NHSL1: variants seen among roughly 807,000 people sequenced by gnomAD.
The protein encoded by NHSL1 is NHS like 1.
Under a neutral mutation model 95.0 loss-of-function variants are expected in NHSL1, and 48 were observed. The ratio of observed to expected loss-of-function variants is 0.51; its 90% CI spans 0.40 to 0.64. The LOEUF (loss-of-function observed/expected upper bound fraction) is 0.64. Among genes scored for constraint, NHSL1 ranks in the 30% least tolerant of loss-of-function variants. NHSL1 has a pLI of 0.00. For synonymous variants in NHSL1, 783 were observed against 833.9 expected, an observed-to-expected ratio of 0.94 and a Z score of 1.05; for missense variants, 1,971 against 2,077.7, an observed-to-expected ratio of 0.95 and a Z score of 1.00.
At chr6:138,532,374 A>T (rs751231404) in intron 1 of NHSL1, among the ~76,000 whole-genome samples, 10 of 152,204 alleles carry the variant, frequency 6.6e-5, no homozygotes, top group Non-Finnish European at 1.5e-4. Flanking sequence ...AAACAGTTGC[A>T]ATCTGTTTTT....
rs565901803 is a variant in NHSL1 at position 138,569,191 on chromosome 6, G to A, written c.202+2519C>T. On this transcript the variant is annotated intron_variant, in intron 1 of 6. Coordinates refer to the NHSL1 transcript ENST00000427025. ...GGGACAACTGATGCGAGGCTAGCTT[G>A]TTAAGCTACAGTTGCCCTACATCTA... Among the ~76,000 whole-genome samples, 30 of 152,116 alleles carry A rather than the reference G, an allele frequency of 2.0e-4. No individual in the cohort carries two copies. In the South Asian group the frequency reaches 6.0e-3, roughly 30 times the overall value.
intron 1 of NHSL1, among the ~76,000 whole-genome samples, chr6:138,622,998 A>G (rs1784685270): frequency 6.6e-6 from 1 of 152,184 alleles, no homozygotes; most frequent in Non-Finnish European, 1.5e-5. Context: ...GATATGGGAA[A>G]GTAACATACG....
At chr6:138,632,076 G>C (rs1006617576) in intron 1 of NHSL1, among the ~76,000 whole-genome samples, 1 of 152,242 alleles carries the variant, frequency 6.6e-6, no homozygotes, top group African/African-American at 2.4e-5. Flanking sequence ...ATTGGCAGTA[G>C]TCTGGCAGTA....
chr6:138,574,845 C>T (rs1783942511), upstream of NHSL1, among the ~76,000 whole-genome samples: 1 of 151,854 alleles, frequency 6.6e-6, no homozygotes, highest in Admixed American at 6.6e-5. Context: ...GAGTGAGACC[C>T]TATCTCAAAA....
chr6:138,596,622 G>T (rs1784305480), intron 1 of NHSL1, among the ~76,000 whole-genome samples: 1 of 152,156 alleles, frequency 6.6e-6, no homozygotes, highest in Non-Finnish European at 1.5e-5. Context: ...AGGTAGCCAA[G>T]GTTCTTGAAA....
rs189256847 is a variant in NHSL1, at chr6:138,638,011, T to A, written c.96+54465A>T. ...TTTAAAATGTAGTACTTATACACAA[T>A]GGAGTACTATTCAGCCATTAAAAAG... On this transcript the variant is annotated intron_variant, in intron 1 of 3. Transcript: ENST00000491526. 1.8e-3 allele frequency among the ~76,000 whole-genome samples: 276 copies of A among 152,292 alleles called. 4 individuals carry two copies. The highest frequency in any genetic ancestry group is 0.015 in the East Asian group (77 of 5,184).
chr6:138,536,939 G>A (rs1359381171), intron 1 of NHSL1, among the ~76,000 whole-genome samples: 3 of 152,170 alleles, frequency 2.0e-5, no homozygotes, highest in Non-Finnish European at 4.4e-5. Context: ...GACAGAAGAA[G>A]AAATACAACG....
chr6:138,579,161 T>C (rs1042102084), intron 1 of NHSL1, among the ~76,000 whole-genome samples: 3 of 152,224 alleles, frequency 2.0e-5, no homozygotes, highest in African/African-American at 7.2e-5. Context: ...CAATGCTCGC[T>C]TGCCCACAGC....
intron 1 of NHSL1, among the ~76,000 whole-genome samples, chr6:138,668,151 TAGAAA>T (rs1238469746): frequency 2.6e-5 from 4 of 152,106 alleles, no homozygotes; most frequent in Non-Finnish European, 5.9e-5. Context: ...GAGACCTTGT[TAGAAA>T]AGAAATTGTG....
In NHSL1 at chr6:138,684,062, A is replaced by C. The variant is rs200220381; in HGVS notation, c.96+8414T>G. Among the ~76,000 whole-genome samples, 18 of 151,406 alleles carry C rather than the reference A, an allele frequency of 1.2e-4. No homozygotes were observed. In the East Asian group the frequency reaches 2.6e-3, roughly 22 times the overall value. Reference sequence around the variant, plus strand: ...CCCATCTCTACTAAAAATACAAAAAATCAGCTGGGCATGGTGGTGCCCACC... The same window carrying C: ...CCCATCTCTACTAAAAATACAAAAACTCAGCTGGGCATGGTGGTGCCCACC... On this transcript the variant is annotated intron_variant, in intron 1 of 3. Coordinates refer to the NHSL1 transcript ENST00000491526.
At chr6:138,650,906 T>C in intron 1 of NHSL1, 1 of 540,278 alleles carries the variant, frequency 1.9e-6, no homozygotes, top group Non-Finnish European at 3.8e-6. Context: ...TATCTTACCA[T>C]CCACTTGCAC....
chr6:138,560,811 GA>G (rs1166397089), intron 1 of NHSL1, among the ~76,000 whole-genome samples: 1 of 152,220 alleles, frequency 6.6e-6, no homozygotes, highest in African/African-American at 2.4e-5. Context: ...AGGCAATCCA[GA>G]AACACCAGAT....
At chr6:138,464,730 T>TTTTTTTTTTG (rs1778244401) in intron 3 of NHSL1, among the ~76,000 whole-genome samples, 1 of 148,774 alleles carries the variant, frequency 6.7e-6, no homozygotes, top group African/African-American at 2.5e-5. Context: ...TTTTTTTTTT[T>TTTTTTTTTTG]GAGACAGAGT....
chr6:138,669,652 A>G (rs954622229), intron 1 of NHSL1, among the ~76,000 whole-genome samples: 1 of 152,234 alleles, frequency 6.6e-6, no homozygotes, highest in Non-Finnish European at 1.5e-5. Context: ...TACAAAGCAC[A>G]GTTGAGAACC....
At position 138,626,893 on chromosome 6, in the gene NHSL1, CAAAAAA is replaced by C. The variant is rs71009593; in HGVS notation, c.96+65577_96+65582del. On this transcript the variant is annotated intron_variant, in intron 1 of 3. Transcript: ENST00000491526. ...TGGGCGACAGAGCGAGACTCCGTCT[CAAAAAA>C]AAAAAAAAAAAAAAAAAAAAAAAAA... Among the ~76,000 whole-genome samples, 17 of 7,768 alleles carry C rather than the reference CAAAAAA, an allele frequency of 2.2e-3. No homozygotes were observed. The East Asian group carries it at 0.06, about 27-fold the overall frequency. 5.1% of individuals were successfully genotyped at this position (7,768 alleles called of 152,430 possible).
intron 2 of NHSL1, among the ~76,000 whole-genome samples, chr6:138,493,718 G>A (rs1780201630): frequency 1.3e-5 from 2 of 152,232 alleles, no homozygotes; most frequent in Admixed American, 1.3e-4. Context: ...TTTGGTGGAG[G>A]AAGGTGAACT....
chr6:138,514,499 A>G (rs1781378147), intron 1 of NHSL1, among the ~76,000 whole-genome samples: 2 of 152,214 alleles, frequency 1.3e-5, no homozygotes, highest in African/African-American at 2.4e-5. Flanking sequence ...TATCCACGAT[A>G]AAGTTTCATT....
rs59461892 is a variant in NHSL1, at chr6:138,458,828, C to CA, written c.340-11636dup. On this transcript the variant is annotated intron_variant, in intron 3 of 7. Transcript: ENST00000343505. ...CAACAGAGTACGTGAAAATCTGTCTCAAAAAAAAAAAAACAAAAAAAAAAA... is the reference window on the plus strand; with the variant it reads ...CAACAGAGTACGTGAAAATCTGTCTCAAAAAAAAAAAAAACAAAAAAAAAAA... Among the ~76,000 whole-genome samples the CA allele has an allele frequency of 9.8e-4, 122 of 124,170 alleles. 1 individual carries two copies. The highest frequency in any genetic ancestry group is 4.2e-3 in the Middle Eastern group (1 of 238). 81.5% of individuals were successfully genotyped at this position (124,170 alleles called of 152,430 possible).
chr6:138,454,098 C>T (rs761654672), intron 3 of NHSL1, among the ~76,000 whole-genome samples: 3 of 152,152 alleles, frequency 2.0e-5, no homozygotes, highest in Non-Finnish European at 4.4e-5. Context: ...AAACCTGCAT[C>T]TCCCTCCATG....
Sources: allele counts gnomAD v4.1 joint callset (sites outside exome capture counted in the v4.1 genomes callset), GRCh38; gene constraint gnomAD v4.1.1; transcripts MANE v1.5; gene names NCBI Gene and HGNC (gene_info 2026-07-23, HGNC 2026-07-21).